PDK3: variants seen among roughly 807,000 people sequenced by gnomAD.
PDK3 encodes pyruvate dehydrogenase kinase, isozyme 3.
PDK3 carries 12 observed loss-of-function variants against 32.0 expected under a neutral mutation model. The ratio of observed to expected loss-of-function variants is 0.37; its 90% CI spans 0.24 to 0.61. The LOEUF (loss-of-function observed/expected upper bound fraction) is 0.61, where lower values mean the gene tolerates loss of function less well. Among genes scored for constraint, PDK3 ranks in the 20% least tolerant of loss-of-function variants. PDK3 has a pLI of 0.65. For missense variants in PDK3, 188 were observed against 316.9 expected (o/e 0.59, Z 3.09); for synonymous variants, 122 against 116.3 (o/e 1.05, Z -0.31).
At chrX:24,472,214 A>G (rs1318930406) in intron 1 of PDK3, among the ~76,000 whole-genome samples, 2 of 112,081 alleles carry the variant, frequency 1.8e-5, no homozygotes, top group African/African-American at 6.5e-5. Context: ...CTTTATTTCT[A>G]TAGACCTTTG....
intron 3 of PDK3, among the ~76,000 whole-genome samples, chrX:24,501,589 C>T (rs762465553): frequency 2.6e-4 from 29 of 112,273 alleles, no homozygotes; most frequent in Non-Finnish European, 4.1e-4. Flanking sequence ...TGGTGGGCAC[C>T]TGTAATCCCA....
chrX:24,507,786 A>G (rs1309757736), intron 5 of PDK3, among the ~76,000 whole-genome samples: 1 of 110,945 alleles, frequency 9.0e-6, no homozygotes, highest in Non-Finnish European at 1.9e-5. Context: ...TTTAGGTGTG[A>G]TATTGGTATC....
At chrX:24,475,069 C>T (rs1293962251) in intron 1 of PDK3, among the ~76,000 whole-genome samples, 3 of 111,536 alleles carry the variant, frequency 2.7e-5, no homozygotes, top group Non-Finnish European at 3.8e-5. Context: ...ACAGTGATTG[C>T]GTTCTTGGAG....
chrX:24,509,315 G>A (rs1231927072), intron 5 of PDK3, among the ~76,000 whole-genome samples: 1 of 110,572 alleles, frequency 9.0e-6, no homozygotes, highest in Non-Finnish European at 1.9e-5. Context: ...TTTCTCCTGC[G>A]CTTATTAACT....
Position 24,505,907 on chromosome X carries a change from G to T in PDK3, c.595+609G>T, listed in dbSNP as rs774202727. Among the ~76,000 whole-genome samples the T allele has an allele frequency of 6.3e-5, 7 of 111,472 alleles. No individual in the cohort carries two copies. In the South Asian group the frequency reaches 2.7e-3, roughly 43 times the overall value. ...CTTCCTGGTTGTGAGCGATCCACCA[G>T]GTACCTCTTCAGTTTTCTTCATTGT... On this transcript the variant is annotated intron_variant, in intron 5 of 10. Coordinates refer to ENST00000379162, the MANE Select transcript of PDK3 (RefSeq NM_005391.5).
intron 1 of PDK3, among the ~76,000 whole-genome samples, chrX:24,485,145 C>T (rs1035928612): frequency 4.5e-5 from 5 of 111,457 alleles, no homozygotes; most frequent in Middle Eastern, 4.6e-3. Context: ...GTCAGCAGTT[C>T]GAGACCAGCC....
exon 12 of PDK3, chrX:24,548,779 A>G (rs1349335802): frequency 8.9e-6 from 1 of 112,422 alleles, no homozygotes; most frequent in East Asian, 2.8e-4. Flanking sequence ...GGCTTTTCAC[A>G]TATGCTAGAC....
intron 5 of PDK3, among the ~76,000 whole-genome samples, chrX:24,509,283 A>C (rs1324163546): frequency 1.8e-5 from 2 of 110,750 alleles, no homozygotes; most frequent in Non-Finnish European, 3.8e-5. Context: ...CTCTTCTTGT[A>C]CTCACAGCTT....
exon 12 of PDK3, chrX:24,548,586 T>C (rs1362599804): frequency 8.9e-6 from 1 of 112,497 alleles, no homozygotes. Flanking sequence ...TGTCTAACTC[T>C]GGCACACAGC....
chrX:24,524,835 G>A (rs1042374524), intron 6 of PDK3, among the ~76,000 whole-genome samples: 3 of 111,895 alleles, frequency 2.7e-5, no homozygotes, highest in South Asian at 3.7e-4. Context: ...TTTTTAAGCC[G>A]TTTACATATA....
chrX:24,481,266 C>T (rs977916285), intron 1 of PDK3, among the ~76,000 whole-genome samples: 2 of 111,304 alleles, frequency 1.8e-5, no homozygotes, highest in Non-Finnish European at 3.8e-5. Context: ...CTCCTGACCT[C>T]GTGATCTGCC....
intron 1 of PDK3, among the ~76,000 whole-genome samples, chrX:24,486,418 C>T (rs1003273856): frequency 1.8e-5 from 2 of 111,116 alleles, no homozygotes; most frequent in Non-Finnish European, 3.8e-5. Context: ...CTGCAGCCTT[C>T]GGGTTTTCCC....
chrX:24,533,085 T>A (rs1922690622), intron 10 of PDK3, among the ~76,000 whole-genome samples: 2 of 110,382 alleles, frequency 1.8e-5, no homozygotes, highest in Non-Finnish European at 3.8e-5. Context: ...CAGAACTACT[T>A]CTGGTCCCAA....
intron 1 of PDK3, among the ~76,000 whole-genome samples, chrX:24,486,946 G>C (rs1921416794): frequency 9.0e-6 from 1 of 111,663 alleles, no homozygotes; most frequent in Non-Finnish European, 1.9e-5. Flanking sequence ...CCAAAACATG[G>C]TCTGGCCTAG....
chrX:24,492,458 G>A (rs1022372385), intron 1 of PDK3, among the ~76,000 whole-genome samples: 11 of 110,473 alleles, frequency 1.0e-4, no homozygotes, highest in African/African-American at 3.0e-4. Flanking sequence ...GCATTGTGAC[G>A]GGCGCCTGTA....
exon 12 of PDK3, chrX:24,548,832 G>A (rs1403094866): frequency 8.9e-6 from 1 of 112,193 alleles, no homozygotes; most frequent in East Asian, 2.8e-4. Context: ...TTGGAAGTCA[G>A]TGGTGTCCGC....
chrX:24,497,927 T>A (rs1178925285), intron 2 of PDK3, among the ~76,000 whole-genome samples: 1 of 112,283 alleles, frequency 8.9e-6, no homozygotes, highest in Non-Finnish European at 1.9e-5. Flanking sequence ...CTAATGGGCC[T>A]CTCTGGATCT....
At chrX:24,528,282 G>C in intron 9 of PDK3, 96 bp downstream of exon 9, 1 of 487,114 alleles carries the variant, frequency 2.1e-6, no homozygotes. Flanking sequence ...CATTAGTGTA[G>C]TTGATTTAGA....
At chrX:24,539,436 T>C (rs2148206290) in exon 12 of PDK3, 2 of 327,930 alleles carry the variant, frequency 6.1e-6, no homozygotes, top group East Asian at 4.9e-5. Context: ...TTACAGCTCT[T>C]GTGCCCTCGT....
Sources: allele counts gnomAD v4.1 joint callset (sites outside exome capture counted in the v4.1 genomes callset), GRCh38; gene constraint gnomAD v4.1.1; transcripts MANE v1.5; gene names NCBI Gene and HGNC (gene_info 2026-07-23, HGNC 2026-07-21).